The following SLC39A11 variants were observed in gnomAD, a reference collection of about 807,000 sequenced individuals.
The protein encoded by SLC39A11 is solute carrier family 39 member 11.
Under a neutral mutation model 36.1 loss-of-function variants are expected in SLC39A11, and 33 were observed. That is an observed-to-expected ratio of 0.91 (90% CI 0.69 to 1.22). The LOEUF is 1.22. Ranked by LOEUF, SLC39A11 falls within the 50% of genes most tolerant of loss-of-function variation. The pLI is 0.00. For synonymous variants in SLC39A11, 166 were observed against 170.3 expected, an observed-to-expected ratio of 0.97 and a Z score of 0.20; for missense variants, 432 against 430.3, an observed-to-expected ratio of 1.00 and a Z score of -0.03.
At chr17:72,841,771 T>C (rs140685687) in intron 6 of SLC39A11, among the ~76,000 whole-genome samples, 92 of 152,194 alleles carry the variant, frequency 6.0e-4, no homozygotes, top group African/African-American at 2.1e-3. Flanking sequence ...TATCAAAATA[T>C]TTCATGCAGG....
At position 72,864,608 on chromosome 17, in the gene SLC39A11, C is replaced by T. The variant is rs118140990; in HGVS notation, c.431-14804G>A. On this transcript the variant is annotated intron_variant, in intron 5 of 9. Transcript: ENST00000255559. ...TTGGGGTCGATCCTAGCCACTATTT[C>T]TCCATTCTGCAAGGTGGAACAGGAA... Among the ~76,000 whole-genome samples the T allele has an allele frequency of 3.8e-3, 582 of 152,302 alleles. 9 individuals are homozygous for T. Among genetic ancestry groups the T allele is most frequent in the Admixed American group, 0.024 (361 of 15,290 alleles).
At chr17:72,837,073 C>T (rs567959948) in intron 6 of SLC39A11, among the ~76,000 whole-genome samples, 1 of 152,270 alleles carries the variant, frequency 6.6e-6, no homozygotes, top group East Asian at 1.9e-4. Flanking sequence ...GCTGCCCCTC[C>T]AAAGCCACCC....
intron 7 of SLC39A11, among the ~76,000 whole-genome samples, chr17:72,650,849 C>T (rs528564919): frequency 5.9e-5 from 9 of 152,128 alleles, no homozygotes; most frequent in African/African-American, 1.2e-4. Flanking sequence ...CCCAGGCTCC[C>T]GGGACTGGGA....
chr17:73,003,212 T>C (rs2089918682), intron 4 of SLC39A11, among the ~76,000 whole-genome samples: 1 of 152,216 alleles, frequency 6.6e-6, no homozygotes, highest in Admixed American at 6.5e-5. Flanking sequence ...AGTTTGATAT[T>C]TCCATTTTTC....
intron 3 of SLC39A11, among the ~76,000 whole-genome samples, chr17:73,033,626 G>A (rs142514773): frequency 2.4e-4 from 36 of 152,238 alleles, no homozygotes; most frequent in African/African-American, 8.4e-4. Context: ...ACTCATCCAT[G>A]GCTGTTTACT....
At chr17:72,932,664 A>G (rs1175807467) in intron 5 of SLC39A11, among the ~76,000 whole-genome samples, 2 of 152,092 alleles carry the variant, frequency 1.3e-5, no homozygotes, top group Non-Finnish European at 2.9e-5. Flanking sequence ...AAAAATTCCT[A>G]CATCCAGGCT....
At chr17:72,797,724 A>C (rs937785842) in intron 6 of SLC39A11, among the ~76,000 whole-genome samples, 2 of 152,078 alleles carry the variant, frequency 1.3e-5, no homozygotes, top group African/African-American at 4.8e-5. Context: ...AAGTTTAGGG[A>C]TATCAAGTGT....
chr17:72,750,504 AG>A (rs2075114138), intron 6 of SLC39A11, among the ~76,000 whole-genome samples: 1 of 86,904 alleles, frequency 1.2e-5, no homozygotes, highest in South Asian at 4.7e-4. Context: ...ACTGGAGGAA[AG>A]GATTTTTTTT....
chr17:73,016,810 T>C (rs2058184592), intron 4 of SLC39A11, among the ~76,000 whole-genome samples: 2 of 152,244 alleles, frequency 1.3e-5, no homozygotes. Context: ...AGCCTTCAGT[T>C]GGTTCCCTGA....
intron 7 of SLC39A11, among the ~76,000 whole-genome samples, chr17:72,671,680 C>T (rs1396539839): frequency 6.6e-6 from 1 of 151,894 alleles, no homozygotes; most frequent in Non-Finnish European, 1.5e-5. Context: ...GAGATCGTGC[C>T]ACTGCACTCC....
chr17:73,008,381 A>T (rs998515550), intron 4 of SLC39A11, among the ~76,000 whole-genome samples: 1 of 152,144 alleles, frequency 6.6e-6, no homozygotes, highest in African/African-American at 2.4e-5. Context: ...GCTAGCCTGA[A>T]GCTCTACCCA....
At chr17:72,930,962 C>T (rs1482979962) in intron 5 of SLC39A11, among the ~76,000 whole-genome samples, 1 of 152,196 alleles carries the variant, frequency 6.6e-6, no homozygotes. Context: ...AGAGCTCTTC[C>T]AATTCCTGGT....
chr17:72,865,909 G>C (rs967447778), intron 5 of SLC39A11, among the ~76,000 whole-genome samples: 25 of 152,182 alleles, frequency 1.6e-4, no homozygotes, highest in Admixed American at 6.5e-5. Context: ...AAACTCAACA[G>C]ACAAATTAGA....
chr17:72,959,600 C>T (rs1353949635), intron 4 of SLC39A11, among the ~76,000 whole-genome samples: 1 of 151,764 alleles, frequency 6.6e-6, no homozygotes, highest in Non-Finnish European at 1.5e-5. Context: ...GGATAAAAGA[C>T]TACAAACAGG....
intron 5 of SLC39A11, among the ~76,000 whole-genome samples, chr17:72,935,094 C>A (rs941117492): frequency 2.0e-5 from 3 of 152,146 alleles, no homozygotes; most frequent in African/African-American, 7.2e-5. Flanking sequence ...TTCATAATTG[C>A]TGAAAAATCA....
intron 7 of SLC39A11, among the ~76,000 whole-genome samples, chr17:72,666,097 G>T (rs948534675): frequency 6.6e-6 from 1 of 152,130 alleles, no homozygotes; most frequent in Non-Finnish European, 1.5e-5. Context: ...TCTGGGCCTC[G>T]GTGTCTTCAG....
chr17:73,046,689 C>T (rs915497457), intron 3 of SLC39A11, among the ~76,000 whole-genome samples: 4 of 152,116 alleles, frequency 2.6e-5, no homozygotes, highest in African/African-American at 9.7e-5. Context: ...GACTCACACC[C>T]CCAGCACTTC....
intron 4 of SLC39A11, among the ~76,000 whole-genome samples, chr17:72,963,379 C>G (rs1009112231): frequency 6.6e-6 from 1 of 151,804 alleles, no homozygotes; most frequent in Non-Finnish European, 1.5e-5. Flanking sequence ...ACCGTGTTAG[C>G]CAGGATGGTC....
intron 5 of SLC39A11, among the ~76,000 whole-genome samples, chr17:72,935,970 G>A (rs2084721125): frequency 6.6e-6 from 1 of 152,074 alleles, no homozygotes; most frequent in East Asian, 2.0e-4. Context: ...GCCAAGGCAG[G>A]GGGATCGCTT....
Sources: allele counts gnomAD v4.1 joint callset (sites outside exome capture counted in the v4.1 genomes callset), GRCh38; gene constraint gnomAD v4.1.1; transcripts MANE v1.5; gene names NCBI Gene and HGNC (gene_info 2026-07-23, HGNC 2026-07-21).